MROH2B: variants seen among roughly 807,000 people sequenced by gnomAD.
MROH2B encodes the protein maestro heat-like repeat-containing protein family member 2B.
A neutral mutation model predicts 208.6 loss-of-function variants in MROH2B; 177 were observed. The ratio of observed to expected loss-of-function variants is 0.85; its 90% CI spans 0.75 to 0.96. The LOEUF (loss-of-function observed/expected upper bound fraction) is 0.96. MROH2B is among the 40% of genes least tolerant of loss of function. The probability of loss-of-function intolerance (pLI) is 0.00; values close to 1 mark genes in which losing one functional copy is unlikely to be tolerated. For synonymous variants in MROH2B, 728 were observed against 659.0 expected (o/e 1.10, Z -1.60); for missense variants, 2,002 against 1,878.7 (o/e 1.07, Z -1.21).
intron 11 of MROH2B, among the ~76,000 whole-genome samples, chr5:41,053,181 A>G (rs1439910975): frequency 6.6e-6 from 1 of 152,226 alleles, no homozygotes; most frequent in Non-Finnish European, 1.5e-5. Context: ...ACAATTTCAG[A>G]GTCCAAACAA....
intron 30 of MROH2B, among the ~76,000 whole-genome samples, chr5:41,011,296 C>A (rs896478921): frequency 3.3e-5 from 5 of 151,906 alleles, no homozygotes; most frequent in African/African-American, 1.2e-4. Context: ...TATAAATAGC[C>A]CCCATTTATG....
intron 1 of MROH2B, among the ~76,000 whole-genome samples, 157 bp from the exon 2 acceptor site, chr5:41,069,909 A>G (rs1041755644): frequency 1.3e-5 from 2 of 152,114 alleles, no homozygotes; most frequent in Non-Finnish European, 2.9e-5. Context: ...TGTTTTATTC[A>G]TATCCATGAC....
At chr5:41,006,434 T>G (rs961704217) in intron 34 of MROH2B, among the ~76,000 whole-genome samples, 3 of 152,202 alleles carry the variant, frequency 2.0e-5, no homozygotes, top group African/African-American at 7.2e-5. Flanking sequence ...GTGGAGCTTC[T>G]TAAAGAACTA....
At chr5:41,064,449 A>G (rs1202928781) in intron 5 of MROH2B, 23 bp downstream of exon 5, 2 of 1,602,654 alleles carry the variant, frequency 1.2e-6, no homozygotes, top group Non-Finnish European at 1.7e-6. Context: ...TTTAAGCAAA[A>G]AGGAAATCAT....
In MROH2B at chr5:41,059,320, A is replaced by T. The variant is rs539500523; in HGVS notation, c.616-1117T>A. ...TAAAAATGTAGAAATCACAAATGTT[A>T]TGTTGAAGAAAACATAATACACATA... On this transcript the variant is annotated intron_variant, in intron 6 of 41. Transcript: ENST00000399564. 2.0e-5 allele frequency among the ~76,000 whole-genome samples: 3 copies of T among 152,310 alleles called. No homozygotes were observed. The East Asian group carries it at 5.8e-4, about 29-fold the overall frequency.
intron 24 of MROH2B, among the ~76,000 whole-genome samples, chr5:41,030,481 A>G (rs1488737939): frequency 6.6e-6 from 1 of 152,126 alleles, no homozygotes. Flanking sequence ...GATGACACAA[A>G]CAAATGGAAA....
chr5:41,000,436 A>T (rs1171432958), intron 38 of MROH2B, 85 bp from the exon 39 acceptor site: 6 of 1,525,772 alleles, frequency 3.9e-6, no homozygotes, highest in Non-Finnish European at 5.3e-6. Context: ...GTACTGGGAA[A>T]GAAGCACTAA....
chr5:41,034,353 T>C (rs934877609), intron 21 of MROH2B, among the ~76,000 whole-genome samples: 6 of 152,152 alleles, frequency 3.9e-5, no homozygotes, highest in African/African-American at 1.2e-4. Context: ...TTTTAGTACA[T>C]GCTGAATTCA....
intron 24 of MROH2B, among the ~76,000 whole-genome samples, chr5:41,025,942 A>G (rs1017148730): frequency 3.3e-5 from 5 of 152,208 alleles, no homozygotes; most frequent in African/African-American, 1.2e-4. Context: ...AAACCCCATG[A>G]TTATCTCAAT....
intron 10 of MROH2B, 99 bp downstream of exon 10, chr5:41,055,643 A>C: frequency 2.5e-6 from 2 of 793,700 alleles, no homozygotes; most frequent in Non-Finnish European, 2.1e-6. Context: ...GATGTTATAT[A>C]AGCATCCAAA....
intron 24 of MROH2B, among the ~76,000 whole-genome samples, chr5:41,030,528 G>T (rs2150165439): frequency 6.6e-6 from 1 of 152,176 alleles, no homozygotes. Flanking sequence ...AATCAATGTT[G>T]TGAAAATGCC....
In MROH2B at chr5:41,034,060, CAG is replaced by C. The variant is rs1448394042; in HGVS notation, c.2215-198_2215-197del. ...TTTAAAGTGAGACCTTGTACATTTG[CAG>C]AGTCTTTCCCCCAGGTAAGTCATGA... On this transcript the variant is annotated intron_variant, in intron 21 of 41. Transcript: ENST00000399564. 2.6e-5 allele frequency: 26 copies of C among 984,982 alleles called. No individual in the cohort carries two copies. In the South Asian group the frequency reaches 4.2e-4, roughly 16 times the overall value. The allele number at this position is 984,982 out of a possible 1,614,324, so 61.0% of individuals were successfully genotyped here.
At chr5:41,021,691 A>C (rs1302143246) in intron 24 of MROH2B, among the ~76,000 whole-genome samples, 1 of 152,066 alleles carries the variant, frequency 6.6e-6, no homozygotes, top group Non-Finnish European at 1.5e-5. Flanking sequence ...CAGCCTAGAC[A>C]ACATGGCAAA....
Position 41,000,794 on chromosome 5 carries a change from CAAAT to C in MROH2B, c.4230_4233del (p.Phe1411ArgfsTer6). 2 of 1,611,568 alleles carry C rather than the reference CAAAT, an allele frequency of 1.2e-6. No homozygotes were observed. The highest frequency in any genetic ancestry group is 2.7e-5 in the African/African-American group (2 of 74,972). On this transcript the variant is annotated frameshift_variant, in exon 38 of 42. Transcript: ENST00000399564. LOFTEE classifies it high-confidence loss of function. ...CTTCCTGTTAGGGGTGCCAGGTCCT[CAAAT>C]AAGAAGATGGCAGTCAATCTCACAT...
At chr5:41,012,102 T>G (rs1741791987) in intron 30 of MROH2B, among the ~76,000 whole-genome samples, 1 of 152,218 alleles carries the variant, frequency 6.6e-6, no homozygotes, top group Non-Finnish European at 1.5e-5. Flanking sequence ...TGCTTAACTC[T>G]CCAGTTGGGA....
chr5:41,051,998 C>T (rs1216127863), intron 12 of MROH2B, among the ~76,000 whole-genome samples: 1 of 152,060 alleles, frequency 6.6e-6, no homozygotes, highest in Non-Finnish European at 1.5e-5. Context: ...ATAGAACTTA[C>T]TTCACTGTTC....
chr5:41,021,098 T>C (rs1347451857), intron 24 of MROH2B, among the ~76,000 whole-genome samples: 1 of 152,216 alleles, frequency 6.6e-6, no homozygotes, highest in Non-Finnish European at 1.5e-5. Flanking sequence ...AGCAAAGTTG[T>C]GAGATACAAA....
intron 22 of MROH2B, 47 bp from the exon 23 acceptor site, chr5:41,033,207 A>G (rs1224789304): frequency 3.1e-6 from 5 of 1,601,862 alleles, no homozygotes; most frequent in African/African-American, 1.3e-5. Flanking sequence ...AAGACACCAC[A>G]CTCAGGTCTA....
intron 19 of MROH2B, among the ~76,000 whole-genome samples, chr5:41,041,496 C>T (rs1742946888): frequency 6.6e-6 from 1 of 152,058 alleles, no homozygotes; most frequent in Non-Finnish European, 1.5e-5. Context: ...TGGTAGCAGA[C>T]ACCTGTAATC....
Sources: allele counts gnomAD v4.1 joint callset (sites outside exome capture counted in the v4.1 genomes callset), GRCh38; gene constraint gnomAD v4.1.1; transcripts MANE v1.5; gene names NCBI Gene and HGNC (gene_info 2026-07-23, HGNC 2026-07-21).